The following ZFPM2 variants were observed in gnomAD, a reference collection of about 807,000 sequenced individuals.
ZFPM2 encodes zinc finger protein, FOG family member 2.
Under a neutral mutation model 98.6 loss-of-function variants are expected in ZFPM2, and 20 were observed. The ratio of observed to expected loss-of-function variants is 0.20; its 90% CI spans 0.14 to 0.29. The LOEUF is 0.29. Ranked by LOEUF, ZFPM2 falls within the 10% of genes least tolerant of loss-of-function variation. The probability of loss-of-function intolerance (pLI) is 1.00; values close to 1 mark genes in which losing one functional copy is unlikely to be tolerated. For synonymous variants in ZFPM2, 518 were observed against 502.7 expected (o/e 1.03, Z -0.41); for missense variants, 1,310 against 1,388.6 (o/e 0.94, Z 0.90).
At chr8:105,621,405 A>G (rs938265424) in intron 4 of ZFPM2, among the ~76,000 whole-genome samples, 4 of 152,188 alleles carry the variant, frequency 2.6e-5, no homozygotes, top group African/African-American at 7.2e-5. Context: ...GAAGTTGCCT[A>G]TCAGCTTAAG....
intron 4 of ZFPM2, among the ~76,000 whole-genome samples, chr8:105,622,953 A>G (rs879749217): frequency 1.3e-5 from 2 of 152,186 alleles, no homozygotes; most frequent in Non-Finnish European, 2.9e-5. Context: ...GTGTTCTTAT[A>G]CCCATCTATA....
intron 3 of ZFPM2, among the ~76,000 whole-genome samples, chr8:105,467,664 T>A (rs1812818694): frequency 1.3e-5 from 2 of 152,086 alleles, no homozygotes; most frequent in Non-Finnish European, 2.9e-5. Context: ...TTTTAAACAG[T>A]GGTTATTTTA....
intron 5 of ZFPM2, among the ~76,000 whole-genome samples, chr8:105,784,040 A>G (rs1373374974): frequency 6.6e-6 from 1 of 152,026 alleles, no homozygotes; most frequent in African/African-American, 2.4e-5. Flanking sequence ...ACTTTTTTTT[A>G]TAATGATGCC....
intron 5 of ZFPM2, among the ~76,000 whole-genome samples, chr8:105,742,756 G>A (rs1160393525): frequency 1.3e-5 from 2 of 152,038 alleles, no homozygotes; most frequent in Non-Finnish European, 2.9e-5. Flanking sequence ...GCCAAGTGTG[G>A]TGGCAGGTTG....
At chr8:105,493,886 A>G (rs1292774566) in intron 3 of ZFPM2, among the ~76,000 whole-genome samples, 1 of 151,912 alleles carries the variant, frequency 6.6e-6, no homozygotes, top group African/African-American at 2.4e-5. Flanking sequence ...CACAGTTCTC[A>G]ATTTTAGGAA....
At chr8:105,546,304 T>C (rs1296964464) in intron 3 of ZFPM2, among the ~76,000 whole-genome samples, 1 of 152,038 alleles carries the variant, frequency 6.6e-6, no homozygotes, top group Non-Finnish European at 1.5e-5. Context: ...AGGCTGGGTG[T>C]GGTGGCTCAC....
intron 2 of ZFPM2, among the ~76,000 whole-genome samples, chr8:105,420,027 A>T (rs1811760464): frequency 6.6e-6 from 1 of 152,018 alleles, no homozygotes; most frequent in Non-Finnish European, 1.5e-5. Flanking sequence ...ATTGTTTTGC[A>T]AGTCTTTTAT....
intron 6 of ZFPM2, among the ~76,000 whole-genome samples, chr8:105,793,040 A>G (rs1298708337): frequency 2.0e-5 from 3 of 147,722 alleles, no homozygotes; most frequent in African/African-American, 5.4e-5. Context: ...TCTTTATCCA[A>G]TTTGCCAGTC....
intron 1 of ZFPM2, among the ~76,000 whole-genome samples, chr8:105,393,368 T>TTCTTTCTTTCTTTCTC (rs1364950267): frequency 1.7e-4 from 19 of 111,644 alleles, no homozygotes; most frequent in African/African-American, 5.8e-4. Context: ...CTTTCTTTCT[T>TTCTTTCTTTCTTTCTC]TCTTTCTTTC....
intron 4 of ZFPM2, among the ~76,000 whole-genome samples, chr8:105,614,210 AATT>A (rs1816366954): frequency 1.3e-5 from 2 of 152,138 alleles, no homozygotes; most frequent in Non-Finnish European, 1.5e-5. Flanking sequence ...GCAAGATGTT[AATT>A]ATTATTTCTG....
At chr8:105,493,618 C>A (rs1813399130) in intron 3 of ZFPM2, among the ~76,000 whole-genome samples, 1 of 152,144 alleles carries the variant, frequency 6.6e-6, no homozygotes, top group Admixed American at 6.5e-5. Flanking sequence ...GGTCTCAGTT[C>A]CACTTGCCAG....
intron 3 of ZFPM2, among the ~76,000 whole-genome samples, chr8:105,535,124 T>C (rs1484282270): frequency 3.9e-5 from 6 of 152,162 alleles, no homozygotes; most frequent in African/African-American, 1.4e-4. Flanking sequence ...ATTCCAAATG[T>C]CTTTGCCATT....
intron 2 of ZFPM2, among the ~76,000 whole-genome samples, chr8:105,428,816 AG>A (rs1811962437): frequency 6.6e-6 from 1 of 152,328 alleles, no homozygotes; most frequent in East Asian, 1.9e-4. Flanking sequence ...AAGGAAATGC[AG>A]TACAACAGAT....
At chr8:105,618,213 T>C (rs1786721121) in intron 4 of ZFPM2, among the ~76,000 whole-genome samples, 1 of 152,200 alleles carries the variant, frequency 6.6e-6, no homozygotes, top group African/African-American at 2.4e-5. Flanking sequence ...AAAATTGATA[T>C]TTAACACAAT....
intron 1 of ZFPM2, among the ~76,000 whole-genome samples, chr8:105,338,256 A>C (rs1345637442): frequency 1.3e-5 from 2 of 151,712 alleles, no homozygotes; most frequent in African/African-American, 4.8e-5. Context: ...ATAGGGAAAA[A>C]CTACATAATG....
Position 105,329,691 on chromosome 8 carries a change from T to C in ZFPM2, c.40+10710T>C, listed in dbSNP as rs1299300488. ...ATTAATCTAGAGTTATCAGTCCAGC[T>C]GCTTGGGAATTATAGGTTCTGAGAA... On this transcript the variant is annotated intron_variant, in intron 1 of 7. Coordinates refer to ENST00000407775, the MANE Select transcript of ZFPM2 (RefSeq NM_012082.4). Among the ~76,000 whole-genome samples, 7 of 151,898 alleles carry C rather than the reference T, an allele frequency of 4.6e-5. No individual in the cohort carries two copies. The East Asian group carries it at 1.2e-3, about 25-fold the overall frequency.
chr8:105,544,748 G>C (rs1423074889), intron 3 of ZFPM2, among the ~76,000 whole-genome samples: 1 of 152,178 alleles, frequency 6.6e-6, no homozygotes, highest in African/African-American at 2.4e-5. Flanking sequence ...CCCCCCAAAT[G>C]CAAGATGATT....
intron 5 of ZFPM2, among the ~76,000 whole-genome samples, chr8:105,778,507 T>C (rs1393731957): frequency 1.3e-5 from 2 of 151,602 alleles, no homozygotes; most frequent in African/African-American, 2.4e-5. Context: ...TGTGTGTGTG[T>C]GCGTGTGTGT....
intron 5 of ZFPM2, among the ~76,000 whole-genome samples, chr8:105,755,453 G>A (rs1353962278): frequency 6.6e-6 from 1 of 152,090 alleles, no homozygotes; most frequent in Non-Finnish European, 1.5e-5. Flanking sequence ...CATATAGAAT[G>A]CATTACAAAA....
Sources: allele counts gnomAD v4.1 joint callset (sites outside exome capture counted in the v4.1 genomes callset), GRCh38; gene constraint gnomAD v4.1.1; transcripts MANE v1.5; gene names NCBI Gene and HGNC (gene_info 2026-07-23, HGNC 2026-07-21).